The following OTULIN variants were observed in gnomAD, a reference collection of about 807,000 sequenced individuals.
OTULIN encodes OTU deubiquitinase with linear linkage specificity, also known as ubiquitin thioesterase otulin.
OTULIN carries 15 observed loss-of-function variants against 39.6 expected under a neutral mutation model. That is an observed-to-expected ratio of 0.38 (90% CI 0.25 to 0.58). The LOEUF is 0.58. Ranked by LOEUF, OTULIN falls within the 20% of genes least tolerant of loss-of-function variation. The pLI is 0.66. For synonymous variants in OTULIN, 156 were observed against 170.3 expected (o/e 0.92, Z 0.65); for missense variants, 319 against 445.9 (o/e 0.72, Z 2.56).
intron 4 of OTULIN, among the ~76,000 whole-genome samples, chr5:14,685,747 A>G (rs569922433): frequency 1.3e-5 from 2 of 152,260 alleles, no homozygotes; most frequent in Non-Finnish European, 2.9e-5. Context: ...ATGTCCCCAG[A>G]TGCTCAGCCG....
chr5:14,666,649 A>G (rs1400018649), intron 1 of OTULIN, among the ~76,000 whole-genome samples: 1 of 152,102 alleles, frequency 6.6e-6, no homozygotes, highest in Admixed American at 6.6e-5. Context: ...TGTGGTTTTT[A>G]GCAGCTTAAT....
chr5:14,685,146 C>T (rs1393813696), intron 4 of OTULIN, among the ~76,000 whole-genome samples: 2 of 152,342 alleles, frequency 1.3e-5, no homozygotes, highest in East Asian at 1.9e-4. Flanking sequence ...TGTCTCTGAA[C>T]TGGTTAGACT....
chr5:14,702,956 G>A (rs1296700434), downstream of OTULIN, among the ~76,000 whole-genome samples: 1 of 152,132 alleles, frequency 6.6e-6, no homozygotes, highest in Non-Finnish European at 1.5e-5. Context: ...CTTCCATGTG[G>A]CTTAGAAGCT....
chr5:14,668,103 G>C (rs1204664795), intron 1 of OTULIN, among the ~76,000 whole-genome samples: 1 of 152,164 alleles, frequency 6.6e-6, no homozygotes, highest in Non-Finnish European at 1.5e-5. Flanking sequence ...TTTTATGTAT[G>C]TTTCTGGGCT....
the OTULIN span, among the ~76,000 whole-genome samples, chr5:14,715,482 A>G: frequency 6.6e-6 from 1 of 152,162 alleles, no homozygotes; most frequent in African/African-American, 2.4e-5. Context: ...TTTCCAGTTT[A>G]ATGATTTAGG....
chr5:14,665,134 C>T (rs1474356719), intron 1 of OTULIN, among the ~76,000 whole-genome samples, 157 bp downstream of exon 1: 1 of 152,192 alleles, frequency 6.6e-6, no homozygotes, highest in African/African-American at 2.4e-5. Flanking sequence ...GACAGTTTTC[C>T]CAGTGTCCGA....
intron 4 of OTULIN, 132 bp downstream of exon 4, chr5:14,681,739 G>T: frequency 3.7e-6 from 4 of 1,073,360 alleles, no homozygotes. Flanking sequence ...ATTCAGTTTT[G>T]TGTGGCTGGG....
the OTULIN span, chr5:14,708,308 TTA>T: frequency 9.2e-5 from 14 of 152,332 alleles, no homozygotes; most frequent in African/African-American, 3.1e-4. Context: ...CCTTGTATTT[TTA>T]GATTGTATTC....
At chr5:14,667,323 C>T (rs1375249468) in intron 1 of OTULIN, among the ~76,000 whole-genome samples, 1 of 152,228 alleles carries the variant, frequency 6.6e-6, no homozygotes, top group Non-Finnish European at 1.5e-5. Context: ...CATCGCATTT[C>T]ACACGTGAGA....
chr5:14,703,963 T>C (rs1212806054), downstream of OTULIN, among the ~76,000 whole-genome samples: 3 of 152,128 alleles, frequency 2.0e-5, no homozygotes, highest in Admixed American at 6.5e-5. Flanking sequence ...TGAAACACTT[T>C]CTACAATGTC....
chr5:14,706,135 T>C, the OTULIN span: 1 of 152,220 alleles, frequency 6.6e-6, no homozygotes, highest in African/African-American at 2.4e-5. Flanking sequence ...TGTTTACATA[T>C]ACATATTGTA....
the OTULIN span, among the ~76,000 whole-genome samples, chr5:14,714,892 C>G: frequency 5.3e-5 from 8 of 152,230 alleles, no homozygotes; most frequent in African/African-American, 1.9e-4. Context: ...CTCCTCTGGT[C>G]ACTACTGTAG....
At position 14,664,892 on chromosome 5, in the gene OTULIN, C is replaced by A. The variant is rs768466216; in HGVS notation, c.67C>A (p.Arg23=). ...PGASCAETPA[R]EAAATARDGG... ...CGCGAGCTGCGCCGAGACGCCGGCG[C>A]GGGAGGCGGCGGCCACGGCGCGGGA... Residue 23 remains arginine, a synonymous_variant, in exon 1 of 7, where the codon CGG becomes AGG. Coordinates refer to ENST00000284274, the MANE Select transcript of OTULIN (RefSeq NM_138348.6). 1.7e-5 allele frequency: 20 copies of A among 1,169,114 alleles called. No individual in the cohort carries two copies. The African/African-American group carries it at 3.3e-4, about 20-fold the overall frequency. 72.4% of individuals were successfully genotyped at this position (1,169,114 alleles called of 1,614,324 possible).
chr5:14,701,753 C>T (rs749547938), downstream of OTULIN, among the ~76,000 whole-genome samples: 18 of 152,092 alleles, frequency 1.2e-4, no homozygotes, highest in Non-Finnish European at 2.2e-4. Context: ...GTGTGAGTGT[C>T]GTCCTCTCTG....
the OTULIN span, among the ~76,000 whole-genome samples, chr5:14,714,630 C>A: frequency 3.2e-3 from 485 of 152,306 alleles, 3 homozygotes; most frequent in African/African-American, 0.011. Flanking sequence ...TATATTAATA[C>A]TAACGAGGCT....
chr5:14,706,412 A>G, the OTULIN span: 4 of 152,242 alleles, frequency 2.6e-5, no homozygotes, highest in African/African-American at 9.6e-5. Context: ...TTTTTCAAAA[A>G]TGATTTAGGA....
chr5:14,672,436 A>G (rs576517918), intron 1 of OTULIN, among the ~76,000 whole-genome samples: 2 of 152,128 alleles, frequency 1.3e-5, no homozygotes, highest in Non-Finnish European at 2.9e-5. Flanking sequence ...GTACTAGGCC[A>G]TATACCAGGA....
chr5:14,711,100 A>C, the OTULIN span: 1 of 1,119,922 alleles, frequency 8.9e-7, no homozygotes, highest in Non-Finnish European at 1.4e-6. Flanking sequence ...AAAACAAAAC[A>C]AAAAAAAGGG....
At position 14,690,012 on chromosome 5, in the gene OTULIN, A is replaced by G. The variant is rs1199797100; in HGVS notation, c.595-27A>G. 1.9e-6 allele frequency: 3 copies of G among 1,595,076 alleles called. No homozygotes were observed. Among genetic ancestry groups the G allele is most frequent in the Non-Finnish European group, 2.6e-6 (3 of 1,171,318 alleles). ...CAGGGATTTTTAGAACAAAAATTCT[A>G]ATTATTACATAACTTTCTTATTGTA... On this transcript the variant is annotated intron_variant, in intron 5 of 6. Coordinates refer to ENST00000284274, the MANE Select transcript of OTULIN (RefSeq NM_138348.6). The surrounding 1 kb of genome is among the most constrained non-coding windows in gnomAD (Gnocchi z 4.5).
Sources: allele counts gnomAD v4.1 joint callset (sites outside exome capture counted in the v4.1 genomes callset), GRCh38; gene constraint gnomAD v4.1.1; non-coding constraint Gnocchi (gnomAD v3.1); transcripts MANE v1.5; gene names NCBI Gene and HGNC (gene_info 2026-07-23, HGNC 2026-07-21).